The following UNC5D variants were observed in gnomAD, a reference collection of about 807,000 sequenced individuals.
UNC5D encodes the protein unc-5 netrin receptor D.
UNC5D carries 39 observed loss-of-function variants against 105.4 expected under a neutral mutation model. The observed-to-expected ratio is 0.37, with a 90% confidence interval of 0.29 to 0.48. The LOEUF (loss-of-function observed/expected upper bound fraction) is 0.48, where lower values mean the gene tolerates loss of function less well. UNC5D is among the 20% of genes least tolerant of loss of function. The probability of loss-of-function intolerance (pLI) is 0.98; values close to 1 mark genes in which losing one functional copy is unlikely to be tolerated. For synonymous variants in UNC5D, 452 were observed against 450.4 expected, an observed-to-expected ratio of 1.00 and a Z score of -0.04; for missense variants, 991 against 1,202.4, an observed-to-expected ratio of 0.82 and a Z score of 2.60.
rs902244850 is a variant in UNC5D at position 35,657,335 on chromosome 8, G to A, written c.571-26212G>A. Among the ~76,000 whole-genome samples the A allele has an allele frequency of 4.6e-5, 7 of 151,376 alleles. No individual in the cohort carries two copies. In the East Asian group the frequency reaches 1.4e-3, roughly 30 times the overall value. ...TCCCTGTGGCCAAAAAATCTGAAGG[G>A]CTAATTTCCAGTTATAAATTAAGTT... On this transcript the variant is annotated intron_variant, in intron 4 of 16. Transcript: ENST00000404895.
chr8:35,509,030 A>C (rs1812515155), intron 1 of UNC5D, among the ~76,000 whole-genome samples: 1 of 152,176 alleles, frequency 6.6e-6, no homozygotes, highest in African/African-American at 2.4e-5. Flanking sequence ...TGACTCTTCA[A>C]GGTTGATTTT....
chr8:35,580,896 G>A (rs944184787), intron 3 of UNC5D, among the ~76,000 whole-genome samples: 7 of 152,152 alleles, frequency 4.6e-5, no homozygotes, highest in African/African-American at 1.7e-4. Flanking sequence ...AAGATGAAAT[G>A]GCTTGTATTT....
At chr8:35,538,439 A>ATG (rs1563514263) in intron 1 of UNC5D, among the ~76,000 whole-genome samples, 111 of 126,828 alleles carry the variant, frequency 8.8e-4, no homozygotes, top group African/African-American at 3.0e-3. Context: ...ATATATATAT[A>ATG]TGAATTTTAT....
chr8:35,641,351 G>GA (rs1219579819), intron 4 of UNC5D, among the ~76,000 whole-genome samples: 26 of 4,584 alleles, frequency 5.7e-3, no homozygotes, highest in Non-Finnish European at 7.4e-3. Context: ...TGCCAAACAA[G>GA]AAAAAAAAAT....
intron 4 of UNC5D, among the ~76,000 whole-genome samples, chr8:35,614,553 C>T (rs1048579807): frequency 6.6e-6 from 1 of 151,596 alleles, no homozygotes; most frequent in African/African-American, 2.4e-5. Context: ...TAATAGAAAA[C>T]TAATACACTC....
intron 1 of UNC5D, among the ~76,000 whole-genome samples, chr8:35,271,309 G>A (rs1169371747): frequency 7.0e-5 from 8 of 114,032 alleles, no homozygotes; most frequent in East Asian, 2.7e-4. Flanking sequence ...ACACATGCAC[G>A]TGTGTATGTA....
intron 5 of UNC5D, 85 bp downstream of exon 5, chr8:35,683,812 G>T: frequency 3.8e-6 from 5 of 1,310,622 alleles, no homozygotes; most frequent in Non-Finnish European, 4.9e-6. Flanking sequence ...TTTCAATGTC[G>T]AGAGCTGCAA....
At chr8:35,699,060 G>C (rs1028995144) in intron 7 of UNC5D, among the ~76,000 whole-genome samples, 10 of 152,108 alleles carry the variant, frequency 6.6e-5, no homozygotes, top group African/African-American at 2.4e-4. Context: ...ATAGATATTG[G>C]CTTAAAAGTG....
chr8:35,703,960 A>C (rs1827370957), intron 7 of UNC5D, among the ~76,000 whole-genome samples: 1 of 152,196 alleles, frequency 6.6e-6, no homozygotes, highest in African/African-American at 2.4e-5. Flanking sequence ...ATGCATTAGC[A>C]TCTGGACTTC....
rs550228120 is a variant in UNC5D at position 35,323,561 on chromosome 8, G to A, written c.103+87674G>A. Among the ~76,000 whole-genome samples the A allele has an allele frequency of 8.5e-5, 13 of 152,228 alleles. 1 individual carries two copies. In the East Asian group the frequency reaches 1.7e-3, roughly 20 times the overall value. ...AGCTGCTATTTGCACCAAGCATTGT[G>A]ATAGGCAATAGAAATATTGCTACTC... On this transcript the variant is annotated intron_variant, in intron 1 of 16. Coordinates refer to ENST00000404895, the MANE Select transcript of UNC5D (RefSeq NM_080872.4).
In UNC5D at chr8:35,355,577, G is replaced by A. The variant is rs746630396; in HGVS notation, c.103+119690G>A. ...GAGTGAAGTATCCTCCAAGAACATTGTTATGCAGTGCTACTATTAACGTTG... is the reference window on the plus strand; with the variant it reads ...GAGTGAAGTATCCTCCAAGAACATTATTATGCAGTGCTACTATTAACGTTG... On this transcript the variant is annotated intron_variant, in intron 1 of 16. Coordinates refer to ENST00000404895, the MANE Select transcript of UNC5D (RefSeq NM_080872.4). Among the ~76,000 whole-genome samples the A allele has an allele frequency of 7.5e-4, 114 of 152,028 alleles. 1 individual carries two copies. The highest frequency in any genetic ancestry group is 2.1e-4 in the Non-Finnish European group (14 of 68,002).
intron 4 of UNC5D, among the ~76,000 whole-genome samples, chr8:35,620,181 C>T (rs1821273322): frequency 6.6e-6 from 1 of 152,190 alleles, no homozygotes; most frequent in African/African-American, 2.4e-5. Context: ...TTTCCTTTAC[C>T]TCCTTTGTAC....
chr8:35,461,042 G>A (rs1389799109), intron 1 of UNC5D, among the ~76,000 whole-genome samples: 1 of 152,150 alleles, frequency 6.6e-6, no homozygotes, highest in African/African-American at 2.4e-5. Flanking sequence ...CATTGTTCTA[G>A]GGATTGTTGT....
At chr8:35,328,387 T>C (rs1438690084) in intron 1 of UNC5D, among the ~76,000 whole-genome samples, 1 of 152,140 alleles carries the variant, frequency 6.6e-6, no homozygotes, top group Non-Finnish European at 1.5e-5. Context: ...TTATTTCTGG[T>C]GCTATTTGTA....
At chr8:35,413,814 A>G (rs1805356272) in intron 1 of UNC5D, among the ~76,000 whole-genome samples, 1 of 152,134 alleles carries the variant, frequency 6.6e-6, no homozygotes, top group Non-Finnish European at 1.5e-5. Flanking sequence ...TCAATCTCTT[A>G]AGTGGGTAGC....
chr8:35,478,200 T>C (rs1810248370), intron 1 of UNC5D, among the ~76,000 whole-genome samples: 1 of 152,152 alleles, frequency 6.6e-6, no homozygotes, highest in Non-Finnish European at 1.5e-5. Flanking sequence ...TCAAAAATTT[T>C]TTGAATTTTT....
At chr8:35,359,447 A>T (rs1423067534) in intron 1 of UNC5D, among the ~76,000 whole-genome samples, 1 of 152,198 alleles carries the variant, frequency 6.6e-6, no homozygotes, top group Admixed American at 6.5e-5. Flanking sequence ...GGACCATCAC[A>T]ATGTTATCAA....
At chr8:35,255,390 A>T (rs1037324852) in intron 1 of UNC5D, 1 of 152,322 alleles carries the variant, frequency 6.6e-6, no homozygotes, top group African/African-American at 2.4e-5. Context: ...GTTATGGAGT[A>T]GTACTTTGTG....
intron 1 of UNC5D, among the ~76,000 whole-genome samples, chr8:35,406,638 G>C (rs1804820533): frequency 1.3e-5 from 2 of 152,154 alleles, no homozygotes; most frequent in African/African-American, 4.8e-5. Flanking sequence ...GGGAAGGCCA[G>C]GGAGGGAAAA....
Sources: gnomAD v4.1 joint callset for allele counts (sites outside exome capture counted in the v4.1 genomes callset) on GRCh38, gnomAD v4.1.1 for gene constraint, MANE v1.5 for transcripts, NCBI Gene and HGNC (gene_info 2026-07-23, HGNC 2026-07-21) for gene names.